NCBP3: variants seen among roughly 807,000 people sequenced by gnomAD.
The protein encoded by NCBP3 is nuclear cap-binding protein subunit 3.
Under a neutral mutation model 75.7 loss-of-function variants are expected in NCBP3, and 20 were observed. The ratio of observed to expected loss-of-function variants is 0.26; its 90% CI spans 0.19 to 0.38. The LOEUF (loss-of-function observed/expected upper bound fraction) is 0.38. Ranked by LOEUF, NCBP3 falls within the 10% of genes least tolerant of loss-of-function variation. The pLI is 1.00. For synonymous variants in NCBP3, 293 were observed against 290.5 expected, an observed-to-expected ratio of 1.01 and a Z score of -0.09; for missense variants, 678 against 796.9, an observed-to-expected ratio of 0.85 and a Z score of 1.80.
intron 5 of NCBP3, 43 bp from the exon 6 acceptor site, chr17:3,825,886 T>C (rs2053774672): frequency 6.7e-7 from 1 of 1,484,478 alleles, no homozygotes; most frequent in African/African-American, 1.4e-5. Context: ...AGATAAAATA[T>C]TTCATATAAT....
chr17:3,840,212 A>G lies in NCBP3; in HGVS notation c.250-7T>C. Reference sequence around the variant, plus strand: ...CTTTCTTTTCAATTGCTTCCTAGAAAGTACAGAAAAAGTGAAAGTAGTAAA... The same window carrying G: ...CTTTCTTTTCAATTGCTTCCTAGAAGGTACAGAAAAAGTGAAAGTAGTAAA... On this transcript the variant is annotated splice_polypyrimidine_tract_variant and splice_region_variant and intron_variant, in intron 2 of 12. Transcript: ENST00000389005. 2 of 1,550,848 alleles carry G rather than the reference A, an allele frequency of 1.3e-6. No individual in the cohort carries two copies. The highest frequency in any genetic ancestry group is 1.7e-6 in the Non-Finnish European group (2 of 1,146,234).
rs1274956805 is a variant in NCBP3, at chr17:3,810,151, A to G, written c.*2893T>C. The G allele has an allele frequency of 1.3e-5, 2 of 152,246 alleles. No homozygotes were observed. Among genetic ancestry groups the G allele is most frequent in the Non-Finnish European group, 2.9e-5 (2 of 68,060 alleles). The allele number at this position is 152,246 out of a possible 1,614,324, so 9.4% of individuals were successfully genotyped here. ...ACTTTAAATGGCTGAACTGTATGCA[A>G]ATTACATCTAAATTAAGCTGGTAAC... On this transcript the variant is annotated 3_prime_UTR_variant, in exon 13 of 13. Coordinates refer to ENST00000389005, the MANE Select transcript of NCBP3 (RefSeq NM_001114118.3).
Position 3,814,471 on chromosome 17 carries a change from C to T in NCBP3, c.1478G>A (p.Arg493Gln), listed in dbSNP as rs2053490307. The T allele has an allele frequency of 1.9e-6, 3 of 1,614,096 alleles. No individual in the cohort carries two copies. The highest frequency in any genetic ancestry group is 2.5e-6 in the Non-Finnish European group (3 of 1,180,002). The change falls in exon 12 of 13, where the codon CGG becomes CAG. Residue 493 changes from arginine to glutamine, a missense_variant. Arg to Gln is a conservative substitution (Grantham distance 43). Transcript: ENST00000389005. The part of the protein sequence containing the change: ...VSSTKSDIRQ[R>Q]LGKRPHSPEK... The stretch of plus-strand genomic sequence containing the variant: ...CGGAGAATGTGGTCTTTTTCCTAAC[C>T]GCTGGCGTATATCTGAAAAAAGAGA...
Position 3,846,214 on chromosome 17 carries a change from C to A in NCBP3, c.10G>T (p.Val4Leu). Residue 4 changes from valine (V) to leucine (L), a missense_variant, in exon 1 of 13, where the codon GTA becomes TTA. By Grantham distance (32) the Val-to-Leu change is conservative. Transcript: ENST00000389005. This position sits in a 1 kb window ranked among gnomAD's most constrained non-coding sequence, Gnocchi z 4.6. The stretch of plus-strand genomic sequence containing the variant: ...TTCACCGACACCCGCAGGCCCCGTA[C>A]GGCCGCCATCGCTGCCTGCCGGCCG... MAA[V>L]RGLRVSVKAE... 6.9e-7 allele frequency: 1 copy of A among 1,440,192 alleles called. No individual in the cohort carries two copies. The highest frequency in any genetic ancestry group is 9.1e-7 in the Non-Finnish European group (1 of 1,102,512). 89.2% of individuals were successfully genotyped at this position (1,440,192 alleles called of 1,614,324 possible).
intron 3 of NCBP3, among the ~76,000 whole-genome samples, chr17:3,834,915 G>C (rs912900831): frequency 6.6e-6 from 1 of 151,914 alleles, no homozygotes; most frequent in Non-Finnish European, 1.5e-5. Context: ...AGAATACATA[G>C]ACGGTGCTCT....
intron 9 of NCBP3, among the ~76,000 whole-genome samples, chr17:3,820,611 A>C (rs1192657164): frequency 3.9e-5 from 6 of 152,228 alleles, no homozygotes; most frequent in East Asian, 3.8e-4. Context: ...AGAACAATAC[A>C]ATCAGTTCAT....
intron 12 of NCBP3, 47 bp from the exon 13 acceptor site, chr17:3,813,326 C>T (rs374232791): frequency 1.2e-6 from 2 of 1,606,702 alleles, no homozygotes; most frequent in African/African-American, 2.7e-5. Flanking sequence ...GCGCTAAGAA[C>T]CAGGGTAGCA....
intron 4 of NCBP3, among the ~76,000 whole-genome samples, chr17:3,828,223 G>A (rs1478396353): frequency 2.0e-5 from 3 of 152,230 alleles, no homozygotes; most frequent in East Asian, 1.9e-4. Flanking sequence ...CTGGCCTACC[G>A]CCTGTTTTTG....
At chr17:3,826,037 G>C in intron 5 of NCBP3, 50 bp downstream of exon 5, 1 of 1,532,626 alleles carries the variant, frequency 6.5e-7, no homozygotes, top group African/African-American at 1.4e-5. Flanking sequence ...AAACAGGACT[G>C]TGTAAAGAAG....
At chr17:3,841,599 TC>T (rs2054063088) in intron 2 of NCBP3, among the ~76,000 whole-genome samples, 1 of 144,226 alleles carries the variant, frequency 6.9e-6, no homozygotes, top group Non-Finnish European at 1.5e-5. Context: ...ACCAATTCTC[TC>T]TCTTTTTTTT....
chr17:3,821,230 G>A lies in NCBP3; in HGVS notation c.1000+19C>T, dbSNP rs369958697. ...AGGAGCCAAACATGTGTCTACCCAA[G>A]AGCTGAGCAGGCAACTACCAGAATG... On this transcript the variant is annotated intron_variant, in intron 9 of 12. Transcript: ENST00000389005. 2.6e-6 allele frequency: 4 copies of A among 1,564,818 alleles called. No homozygotes were observed. The highest frequency in any genetic ancestry group is 1.8e-6 in the Non-Finnish European group (2 of 1,135,520).
chr17:3,840,327 C>T (rs763541668), intron 2 of NCBP3, 122 bp from the exon 3 acceptor site: 7 of 733,870 alleles, frequency 9.5e-6, no homozygotes, highest in African/African-American at 1.8e-5. Context: ...AACACTACAC[C>T]TTGAATCAGT....
intron 1 of NCBP3, among the ~76,000 whole-genome samples, chr17:3,845,708 C>T (rs1279895867): frequency 1.3e-5 from 2 of 152,138 alleles, no homozygotes; most frequent in African/African-American, 4.8e-5. Context: ...GCCCAGGGCT[C>T]CCCCTTTATC....
Sources: gnomAD v4.1 joint callset for allele counts (sites outside exome capture counted in the v4.1 genomes callset) on GRCh38, gnomAD v4.1.1 for gene constraint, Gnocchi (gnomAD v3.1) non-coding constraint, MANE v1.5 for transcripts, NCBI Gene and HGNC (gene_info 2026-07-23, HGNC 2026-07-21) for gene names.